POLR3GL: variants seen among roughly 807,000 people sequenced by gnomAD.
The protein encoded by POLR3GL is RNA polymerase III subunit GL.
Under a neutral mutation model 32.4 loss-of-function variants are expected in POLR3GL, and 26 were observed. That is an observed-to-expected ratio of 0.80 (90% CI 0.59 to 1.11). The LOEUF (loss-of-function observed/expected upper bound fraction) is 1.11, where lower values mean the gene tolerates loss of function less well. POLR3GL is among the 50% of genes most tolerant of loss of function. The pLI, the probability that POLR3GL is intolerant of heterozygous loss-of-function variation, is 0.00. For missense variants in POLR3GL, 229 were observed against 280.1 expected, an observed-to-expected ratio of 0.82 and a Z score of 1.30; for synonymous variants, 95 against 98.7, an observed-to-expected ratio of 0.96 and a Z score of 0.22.
At chr1:145,975,498 C>T (rs1394118883) in intron 3 of POLR3GL, 62 bp downstream of exon 3, 29 of 1,580,918 alleles carry the variant, frequency 1.8e-5, no homozygotes, top group African/African-American at 1.2e-4. Flanking sequence ...CTGTGCTCAG[C>T]ACCACTGGGG....
At chr1:145,976,777 G>A (rs1553763455) in intron 3 of POLR3GL, among the ~76,000 whole-genome samples, 1 of 151,690 alleles carries the variant, frequency 6.6e-6, no homozygotes, top group African/African-American at 2.4e-5. Context: ...GCTAGGCGTG[G>A]TGGTGTGTGC....
chr1:145,976,198 A>G (rs1650546841), intron 3 of POLR3GL, among the ~76,000 whole-genome samples: 1 of 151,714 alleles, frequency 6.6e-6, no homozygotes, highest in Non-Finnish European at 1.5e-5. Flanking sequence ...GAGGCATGAG[A>G]ATCGCTTGAA....
intron 1 of POLR3GL, among the ~76,000 whole-genome samples, chr1:145,968,346 C>T (rs1248999397): frequency 2.0e-5 from 3 of 152,028 alleles, no homozygotes; most frequent in Non-Finnish European, 4.4e-5. Flanking sequence ...AAAATTTTGT[C>T]TTCTTTTTCC....
chr1:145,965,804 C>G lies in POLR3GL; in HGVS notation c.-42+1036C>G, dbSNP rs188668180. On this transcript the variant is annotated intron_variant, in intron 1 of 7. Transcript: ENST00000369314. ...AATATATAGCTAAAGGAAATGCATT[C>G]CACACTTCCACTGTAAAAGAGGGAA... 2.6e-5 allele frequency among the ~76,000 whole-genome samples: 4 copies of G among 152,252 alleles called. No individual in the cohort carries two copies. The East Asian group carries it at 7.7e-4, about 29-fold the overall frequency.
At chr1:145,978,192 GC>G in intron 7 of POLR3GL, 96 bp downstream of exon 7, 3 of 1,518,326 alleles carry the variant, frequency 2.0e-6, no homozygotes, top group Non-Finnish European at 1.8e-6. Context: ...CAGAGATAGT[GC>G]CCCCCAGGGT....
chr1:145,976,534 G>A (rs932461677), intron 3 of POLR3GL, among the ~76,000 whole-genome samples: 2 of 150,964 alleles, frequency 1.3e-5, no homozygotes, highest in African/African-American at 2.4e-5. Flanking sequence ...CTGAGATCAC[G>A]CCACTGCACT....
At position 145,964,788 on chromosome 1, in the gene POLR3GL, G is replaced by C. The variant is rs1553761828; in HGVS notation, c.-42+20G>C. The C allele has an allele frequency of 6.6e-6, 1 of 152,220 alleles. No homozygotes were observed. The highest frequency in any genetic ancestry group is 2.4e-5 in the African/African-American group (1 of 41,434). The allele number at this position is 152,220 out of a possible 1,614,324, so 9.4% of individuals were successfully genotyped here. ...CAGCAGGTAAGGCTTGACCTGGTTCGGTCCGACACTTGCCAAACTTGTTCA... is the reference window on the plus strand; with the variant it reads ...CAGCAGGTAAGGCTTGACCTGGTTCCGTCCGACACTTGCCAAACTTGTTCA... On this transcript the variant is annotated intron_variant, in intron 1 of 7. Coordinates refer to ENST00000369314, the MANE Select transcript of POLR3GL (RefSeq NM_032305.3).
chr1:145,967,180 CTTTT>C (rs1409457547), intron 1 of POLR3GL, among the ~76,000 whole-genome samples: 1 of 142,336 alleles, frequency 7.0e-6, no homozygotes. Context: ...ATTCTCTCTC[CTTTT>C]TTTTTTTTTT....
intron 1 of POLR3GL, among the ~76,000 whole-genome samples, chr1:145,972,013 C>CGTGTGT (rs1206867198): frequency 2.7e-4 from 26 of 97,338 alleles, no homozygotes; most frequent in African/African-American, 1.2e-3. Context: ...TATATATATA[C>CGTGTGT]GTGTGTGTGT....
At chr1:145,971,930 AC>A (rs1650318613) in intron 1 of POLR3GL, among the ~76,000 whole-genome samples, 1 of 126,316 alleles carries the variant, frequency 7.9e-6, no homozygotes, top group Non-Finnish European at 1.6e-5. Flanking sequence ...GCGCCACTGC[AC>A]TCCAGCCTGG....
rs782613918 is a variant in POLR3GL at position 145,977,797 on chromosome 1, C to T, written c.402C>T (p.Pro134=). The T allele has an allele frequency of 3.1e-6, 5 of 1,613,946 alleles. No individual in the cohort carries two copies. The African/African-American group carries it at 5.3e-5, about 17-fold the overall frequency. Residue 134 remains proline, a synonymous_variant, in exon 6 of 8, where the codon CCC becomes CCT. Coordinates refer to ENST00000369314, the MANE Select transcript of POLR3GL (RefSeq NM_032305.3). ...LQKERITILL[P]KRPPKTTEDK... The stretch of plus-strand genomic sequence containing the variant: ...CACCAGGGATTACAATTCTGCTCCC[C>T]AAGAGGCCCCCTAAGACCACAGAAG...
chr1:145,975,510 C>T lies in POLR3GL; in HGVS notation c.256+74C>T, dbSNP rs926636080. On this transcript the variant is annotated intron_variant, in intron 3 of 7. Coordinates refer to ENST00000369314, the MANE Select transcript of POLR3GL (RefSeq NM_032305.3). Reference sequence around the variant, plus strand: ...GCCCTGTGCTCAGCACCACTGGGGGCCAGAGGGGCACAGGAAGCATACTAT... The same window carrying T: ...GCCCTGTGCTCAGCACCACTGGGGGTCAGAGGGGCACAGGAAGCATACTAT... 53 of 1,538,634 alleles carry T rather than the reference C, an allele frequency of 3.4e-5. No homozygotes were observed. In the East Asian group the frequency reaches 1.2e-3, roughly 35 times the overall value.
At chr1:145,976,636 C>T (rs1475545761) in intron 3 of POLR3GL, among the ~76,000 whole-genome samples, 5 of 150,502 alleles carry the variant, frequency 3.3e-5, no homozygotes, top group Admixed American at 1.3e-4. Flanking sequence ...GATAAGGGGC[C>T]GGGCGCAGTA....
chr1:145,966,745 C>T (rs782555015), intron 1 of POLR3GL, among the ~76,000 whole-genome samples: 2 of 151,514 alleles, frequency 1.3e-5, no homozygotes, highest in East Asian at 3.9e-4. Flanking sequence ...GCTGAGATTG[C>T]GCCATTGCAC....
At chr1:145,971,907 G>A (rs1553762722) in intron 1 of POLR3GL, among the ~76,000 whole-genome samples, 1 of 137,832 alleles carries the variant, frequency 7.3e-6, no homozygotes, top group Admixed American at 7.9e-5. Context: ...AGAGGTTGCA[G>A]TGAGCTGAGA....
In POLR3GL at chr1:145,977,533, A is replaced by G; in HGVS notation, c.376A>G (p.Lys126Glu). The stretch of plus-strand genomic sequence containing the variant: ...AAAGATCCGAGTGCGGAAGCTACAG[A>G]AGGAACGTGAGTGTATCTGGAAAAA... ...ELKIRVRKLQ[K>E]ERITILLPKR... The change falls in exon 5 of 8, where the codon AAG becomes GAG. Residue 126 changes from lysine to glutamate, a missense_variant. Lys to Glu is a moderately conservative substitution (Grantham distance 56). Transcript: ENST00000369314. The G allele has an allele frequency of 6.2e-7, 1 of 1,613,932 alleles. No homozygotes were observed. The highest frequency in any genetic ancestry group is 8.5e-7 in the Non-Finnish European group (1 of 1,179,852).
intron 1 of POLR3GL, among the ~76,000 whole-genome samples, chr1:145,974,037 C>T (rs1262179680): frequency 6.6e-6 from 1 of 150,848 alleles, no homozygotes; most frequent in Non-Finnish European, 1.5e-5. Flanking sequence ...GAGGCTAAGG[C>T]AGGAGGATCA....
chr1:145,965,471 T>C (rs1185898409), intron 1 of POLR3GL, among the ~76,000 whole-genome samples: 1 of 152,184 alleles, frequency 6.6e-6, no homozygotes, highest in Non-Finnish European at 1.5e-5. Flanking sequence ...AGAACTGGAA[T>C]GGTGAGGGGA....
At chr1:145,965,145 ACG>A (rs1361482911) in intron 1 of POLR3GL, among the ~76,000 whole-genome samples, 2 of 152,224 alleles carry the variant, frequency 1.3e-5, no homozygotes, top group African/African-American at 2.4e-5. Flanking sequence ...TCCCCCGTCT[ACG>A]ATAGCGTTTT....
Sources: gnomAD v4.1 joint callset for allele counts (sites outside exome capture counted in the v4.1 genomes callset) on GRCh38, gnomAD v4.1.1 for gene constraint, MANE v1.5 for transcripts, NCBI Gene and HGNC (gene_info 2026-07-23, HGNC 2026-07-21) for gene names.